Variants in GRK3 observed in about 807,000 individuals in gnomAD.
GRK3 encodes the protein adrenergic, beta, receptor kinase 2.
In GRK3, 54 loss-of-function variants were observed where a neutral mutation model predicts 95.7. The ratio of observed to expected loss-of-function variants is 0.56; its 90% CI spans 0.45 to 0.71. The LOEUF is 0.71. Ranked by LOEUF, GRK3 falls within the 30% of genes least tolerant of loss-of-function variation. GRK3 has a pLI of 0.00. For synonymous variants in GRK3, 281 were observed against 290.8 expected, an observed-to-expected ratio of 0.97 and a Z score of 0.34; for missense variants, 649 against 851.2, an observed-to-expected ratio of 0.76 and a Z score of 2.96.
At chr22:25,632,332 A>G (rs970633684) in intron 2 of GRK3, among the ~76,000 whole-genome samples, 3 of 152,306 alleles carry the variant, frequency 2.0e-5, no homozygotes, top group African/African-American at 7.2e-5. Context: ...TGACATTTAT[A>G]TATCTTCTTT....
chr22:25,632,715 G>A (rs533415686), intron 2 of GRK3, among the ~76,000 whole-genome samples: 2 of 152,106 alleles, frequency 1.3e-5, no homozygotes, highest in Non-Finnish European at 2.9e-5. Flanking sequence ...TTTTTGCAGA[G>A]ATGTTCAATG....
intron 6 of GRK3, among the ~76,000 whole-genome samples, chr22:25,669,148 A>G (rs780132101): frequency 2.0e-5 from 3 of 152,178 alleles, no homozygotes; most frequent in Non-Finnish European, 2.9e-5. Flanking sequence ...GACTCCATCA[A>G]TATGGTCATG....
At position 25,613,909 on chromosome 22, in the gene GRK3, C is replaced by CT. The variant is rs879804686; in HGVS notation, c.190+9469dup. Among the ~76,000 whole-genome samples the CT allele has an allele frequency of 3.7e-3, 520 of 142,036 alleles. 5 individuals carry two copies. Among genetic ancestry groups the CT allele is most frequent in the South Asian group, 0.022 (97 of 4,458 alleles). The allele number at this position is 142,036 out of a possible 152,430, so 93.2% of individuals were successfully genotyped here. A position where few individuals can be genotyped will look rare whatever the true frequency, so the allele number is the denominator to read the frequency against. On this transcript the variant is annotated intron_variant, in intron 2 of 20. Transcript: ENST00000324198. ...TTCTATGGGAAAATTTGGTTGTCTT[C>CT]TTTTTTTTTTTTTAAACCCAGCTTA...
rs755236063 is a variant in GRK3 at position 25,690,299 on chromosome 22, A to G, written c.1052+16A>G. ...ATGCGAGTGTGTAAGTAGTGCGTCA[A>G]CTTCAGTTCACCACCATTTCTCTCC... On this transcript the variant is annotated intron_variant, in intron 12 of 20. Coordinates refer to ENST00000324198, the MANE Select transcript of GRK3 (RefSeq NM_005160.4). The G allele has an allele frequency of 1.3e-6, 2 of 1,579,250 alleles. No individual in the cohort carries two copies. The highest frequency in any genetic ancestry group is 1.3e-5 in the African/African-American group (1 of 74,192).
intron 3 of GRK3, among the ~76,000 whole-genome samples, chr22:25,650,411 A>G (rs1349702729): frequency 6.6e-6 from 1 of 152,170 alleles, no homozygotes; most frequent in African/African-American, 2.4e-5. Context: ...GCGGAGTAAG[A>G]CCCAGCATTT....
chr22:25,669,855 AC>A (rs975365791), intron 6 of GRK3, among the ~76,000 whole-genome samples: 5 of 152,144 alleles, frequency 3.3e-5, no homozygotes, highest in African/African-American at 9.7e-5. Flanking sequence ...CCAGCTCTGG[AC>A]TCCAGAATCT....
intron 9 of GRK3, among the ~76,000 whole-genome samples, chr22:25,679,794 C>T (rs1425162293): frequency 6.6e-6 from 1 of 152,114 alleles, no homozygotes; most frequent in East Asian, 1.9e-4. Flanking sequence ...GTGTACCCCA[C>T]ATGTGAATGA....
At chr22:25,716,772 T>A (rs940783905) in intron 18 of GRK3, among the ~76,000 whole-genome samples, 5 of 152,130 alleles carry the variant, frequency 3.3e-5, no homozygotes, top group African/African-American at 1.2e-4. Context: ...CAGCAGGGGT[T>A]CCCAACCCCC....
chr22:25,612,679 A>G (rs2084507739), intron 2 of GRK3, among the ~76,000 whole-genome samples: 1 of 152,184 alleles, frequency 6.6e-6, no homozygotes, highest in Non-Finnish European at 1.5e-5. Flanking sequence ...GGTCTCAAAC[A>G]TATTTAGCAT....
chr22:25,644,566 T>C, intron 2 of GRK3, 26 bp from the exon 3 acceptor site: 1 of 1,276,146 alleles, frequency 7.8e-7, no homozygotes, highest in South Asian at 1.3e-5. Context: ...TTGCCCACCC[T>C]GAAATTTTTT....
At chr22:25,619,757 G>A (rs2084567540) in intron 2 of GRK3, among the ~76,000 whole-genome samples, 1 of 144,018 alleles carries the variant, frequency 6.9e-6, no homozygotes, top group Non-Finnish European at 1.5e-5. Flanking sequence ...CTCCCAAAAT[G>A]CTGGGATTAT....
intron 19 of GRK3, 79 bp downstream of exon 19, chr22:25,718,460 T>C (rs1029624891): frequency 5.5e-6 from 8 of 1,454,488 alleles, no homozygotes; most frequent in Non-Finnish European, 6.7e-6. Flanking sequence ...GCTGACATGT[T>C]TTATACACTA....
intron 16 of GRK3, among the ~76,000 whole-genome samples, chr22:25,710,432 G>C (rs896976397): frequency 1.3e-5 from 2 of 152,108 alleles, no homozygotes; most frequent in Non-Finnish European, 2.9e-5. Flanking sequence ...TTAAGAATTA[G>C]CATGATTTTA....
intron 3 of GRK3, among the ~76,000 whole-genome samples, chr22:25,656,011 G>C (rs541116832): frequency 6.6e-6 from 1 of 152,192 alleles, no homozygotes; most frequent in African/African-American, 2.4e-5. Context: ...CTGCTTACTA[G>C]TTGTGTAAAC....
intron 2 of GRK3, among the ~76,000 whole-genome samples, chr22:25,628,808 T>A (rs2084644968): frequency 6.6e-6 from 1 of 152,180 alleles, no homozygotes; most frequent in African/African-American, 2.4e-5. Context: ...GAGGCTTTTC[T>A]CCATGCACTT....
chr22:25,722,188 C>A, intron 20 of GRK3, 101 bp from the exon 21 acceptor site: 1 of 1,384,342 alleles, frequency 7.2e-7, no homozygotes, highest in Non-Finnish European at 1.0e-6. Context: ...GGTGTGCTTC[C>A]TTCAGGGGTT....
intron 2 of GRK3, among the ~76,000 whole-genome samples, chr22:25,636,082 C>G (rs1052500055): frequency 1.2e-4 from 18 of 152,124 alleles, no homozygotes; most frequent in African/African-American, 4.1e-4. Flanking sequence ...GTTCATATAG[C>G]TCCATCATCC....
intron 1 of GRK3, among the ~76,000 whole-genome samples, chr22:25,570,827 A>G (rs1931674333): frequency 6.6e-6 from 1 of 152,194 alleles, no homozygotes; most frequent in Non-Finnish European, 1.5e-5. Flanking sequence ...CTATGAGCCT[A>G]AAATGCAGAA....
At chr22:25,634,076 A>G (rs1055275211) in intron 2 of GRK3, among the ~76,000 whole-genome samples, 2 of 152,004 alleles carry the variant, frequency 1.3e-5, no homozygotes, top group Non-Finnish European at 2.9e-5. Context: ...TGTATTTTTC[A>G]CCATTCAATT....
Sources: allele counts gnomAD v4.1 joint callset (sites outside exome capture counted in the v4.1 genomes callset), GRCh38; gene constraint gnomAD v4.1.1; transcripts MANE v1.5; gene names NCBI Gene and HGNC (gene_info 2026-07-23, HGNC 2026-07-21).